Variants in WDR27 observed in about 807,000 individuals in gnomAD.
WDR27 encodes WD repeat domain 27.
A neutral mutation model predicts 114.4 loss-of-function variants in WDR27; 100 were observed. The observed-to-expected ratio is 0.87, with a 90% CI of 0.74 to 1.03. WDR27 has a LOEUF of 1.03. WDR27 is among the 50% of genes least tolerant of loss of function. The pLI is 0.00. For synonymous variants in WDR27, 449 were observed against 423.1 expected, an observed-to-expected ratio of 1.06 and a Z score of -0.75; for missense variants, 1,129 against 1,092.9, an observed-to-expected ratio of 1.03 and a Z score of -0.47.
intron 1 of WDR27, among the ~76,000 whole-genome samples, chr6:169,690,169 C>A (rs1012339940): frequency 6.6e-6 from 1 of 151,914 alleles, no homozygotes; most frequent in Non-Finnish European, 1.5e-5. Flanking sequence ...ACCCATTAGG[C>A]CCTCATGCTG....
the WDR27 span, among the ~76,000 whole-genome samples, chr6:169,451,557 T>C: frequency 6.6e-6 from 1 of 152,250 alleles, no homozygotes; most frequent in Non-Finnish European, 1.5e-5. Context: ...AGAAGTTGAA[T>C]TGCTTAGACA....
intron 2 of WDR27, among the ~76,000 whole-genome samples, chr6:169,680,013 C>T (rs1397626055): frequency 1.3e-5 from 2 of 152,140 alleles, no homozygotes; most frequent in East Asian, 3.8e-4. Context: ...ATATTAAAAA[C>T]CTGAAGAAAA....
intron 25 of WDR27, among the ~76,000 whole-genome samples, chr6:169,528,985 T>A (rs1014340164): frequency 2.0e-5 from 3 of 152,162 alleles, no homozygotes; most frequent in Admixed American, 6.5e-5. Context: ...TCCTAAAAAG[T>A]ATTAAGAGAA....
intron 23 of WDR27, among the ~76,000 whole-genome samples, 176 bp from the exon 24 acceptor site, chr6:169,583,110 C>T (rs1246678579): frequency 1.3e-5 from 2 of 152,074 alleles, no homozygotes; most frequent in East Asian, 3.9e-4. Flanking sequence ...ATAAAATAGG[C>T]ATCTTTTCCC....
intron 21 of WDR27, among the ~76,000 whole-genome samples, chr6:169,628,639 C>CCCAGG (rs1252895938): frequency 4.6e-5 from 7 of 152,328 alleles, no homozygotes; most frequent in African/African-American, 1.7e-4. Context: ...CTCTCATCCT[C>CCCAGG]CCAGGACAGG....
At chr6:169,460,075 T>C (rs984458682) in intron 25 of WDR27, among the ~76,000 whole-genome samples, 4 of 152,276 alleles carry the variant, frequency 2.6e-5, no homozygotes, top group Non-Finnish European at 5.9e-5. Context: ...AGTATTATTA[T>C]AGCAACACTG....
downstream of WDR27, among the ~76,000 whole-genome samples, chr6:169,453,139 A>G (rs188263222): frequency 1.3e-5 from 2 of 152,340 alleles, no homozygotes; most frequent in East Asian, 3.9e-4. Context: ...GCTTGTTCTC[A>G]TGACTATAGC....
intron 2 of WDR27, among the ~76,000 whole-genome samples, chr6:169,679,717 T>G (rs1021169883): frequency 6.6e-6 from 1 of 152,246 alleles, no homozygotes; most frequent in African/African-American, 2.4e-5. Context: ...AAAGCAGACG[T>G]TGGTGTCATG....
At chr6:169,619,132 T>G (rs1812554189) in intron 21 of WDR27, among the ~76,000 whole-genome samples, 1 of 152,182 alleles carries the variant, frequency 6.6e-6, no homozygotes, top group Admixed American at 6.5e-5. Flanking sequence ...TAGTCATTGC[T>G]CAAGCTGTTG....
rs1286231518 is a variant in WDR27 at position 169,638,547 on chromosome 6, G to A, written c.1861C>T (p.Leu621=). 3 of 1,611,198 alleles carry A rather than the reference G, an allele frequency of 1.9e-6. No homozygotes were observed. The highest frequency in any genetic ancestry group is 1.7e-5 in the Admixed American group (1 of 59,826). Residue 621 remains leucine (L), a synonymous_variant, in exon 18 of 26, where the codon CTG becomes TTG. Coordinates refer to ENST00000448612, the MANE Select transcript of WDR27 (RefSeq NM_182552.5). ...AGATGACTGTCCATTACCAGAAGCA[G>A]TGCGAGCTCTGCCCCACGAGCCGAC... is the stretch of plus-strand genomic sequence containing the variant. The part of the protein sequence containing the change: ...MWSARGAELA[L]LLGKDMFSKP...
rs1162101967 is a variant in WDR27 at position 169,653,454 on chromosome 6, AACAGAAAATGTCTTTTACAAG to A, written c.1403-1467_1403-1447del. 2.0e-5 allele frequency among the ~76,000 whole-genome samples: 3 copies of A among 152,344 alleles called. No homozygotes were observed. The East Asian group carries it at 5.8e-4, about 29-fold the overall frequency. On this transcript the variant is annotated intron_variant, in intron 13 of 25. Coordinates refer to ENST00000448612, the MANE Select transcript of WDR27 (RefSeq NM_182552.5). ...TATCTTATAATGAAAAAAGTAAATGAACAGAAAATGTCTTTTACAAGACTACAAAAATCAGTCTTTACCACA... is the reference window on the plus strand; with the variant it reads ...TATCTTATAATGAAAAAAGTAAATGAACTACAAAAATCAGTCTTTACCACA...
the WDR27 span, among the ~76,000 whole-genome samples, chr6:169,446,420 G>A: frequency 7.6e-3 from 1,153 of 152,158 alleles, 20 homozygotes; most frequent in African/African-American, 0.027. Flanking sequence ...GGCAGGGGCC[G>A]GGCACAAGGC....
At chr6:169,449,331 ATATGCAAAGATTTTG>A in the WDR27 span, among the ~76,000 whole-genome samples, 3 of 152,220 alleles carry the variant, frequency 2.0e-5, no homozygotes, top group Non-Finnish European at 4.4e-5. Context: ...AAATGATAAT[ATATGCAAAGATTTTG>A]TACAAACTCC....
Position 169,582,890 on chromosome 6 carries a change from C to A in WDR27, c.2469G>T (p.Leu823=), listed in dbSNP as rs1000950940. 1 of 1,613,830 alleles carries A rather than the reference C, an allele frequency of 6.2e-7. No homozygotes were observed. The highest frequency in any genetic ancestry group is 8.5e-7 in the Non-Finnish European group (1 of 1,179,902). The change falls in exon 24 of 26, where the codon CTG becomes CTT. Residue 823 remains leucine, a synonymous_variant. Coordinates refer to ENST00000448612, the MANE Select transcript of WDR27 (RefSeq NM_182552.5). ...EMGSSTFSHR[L]AGHTDTVTGV... is the part of the protein sequence containing the mutation. ...CAGTGACAGTGTCTGTGTGCCCAGCCAGCCGGTGAGAAAACGTGCTTGAGC... is the reference window on the plus strand; with the variant it reads ...CAGTGACAGTGTCTGTGTGCCCAGCAAGCCGGTGAGAAAACGTGCTTGAGC...
chr6:169,477,270 T>G (rs1365934977), intron 25 of WDR27, among the ~76,000 whole-genome samples: 1 of 152,214 alleles, frequency 6.6e-6, no homozygotes, highest in Non-Finnish European at 1.5e-5. Flanking sequence ...ATTTTGTTCA[T>G]AACTGAAATG....
intron 1 of WDR27, among the ~76,000 whole-genome samples, chr6:169,690,545 C>T (rs1206536567): frequency 6.6e-6 from 1 of 152,132 alleles, no homozygotes; most frequent in Admixed American, 6.5e-5. Flanking sequence ...CCCATCCCTG[C>T]CCCCCTACCC....
chr6:169,641,910 T>A (rs1199563859), intron 17 of WDR27, among the ~76,000 whole-genome samples: 1 of 152,264 alleles, frequency 6.6e-6, no homozygotes, highest in Non-Finnish European at 1.5e-5. Flanking sequence ...GAGAATCTAC[T>A]CTGTGCCAGG....
chr6:169,649,102 A>G (rs1049542623), intron 15 of WDR27, 96 bp downstream of exon 15: 1 of 993,606 alleles, frequency 1.0e-6, no homozygotes, highest in East Asian at 2.6e-5. Flanking sequence ...ATGTACACAT[A>G]TAAGGTTTTA....
At chr6:169,594,563 G>T (rs1161743366) in intron 23 of WDR27, among the ~76,000 whole-genome samples, 1 of 152,060 alleles carries the variant, frequency 6.6e-6, no homozygotes, top group Non-Finnish European at 1.5e-5. Flanking sequence ...GGTTCTTATT[G>T]TTTCCACCTT....
Sources: gnomAD v4.1 joint callset for allele counts (sites outside exome capture counted in the v4.1 genomes callset) on GRCh38, gnomAD v4.1.1 for gene constraint, MANE v1.5 for transcripts, NCBI Gene and HGNC (gene_info 2026-07-23, HGNC 2026-07-21) for gene names.